Variants in MSTO1 observed in about 807,000 individuals in gnomAD.
The protein encoded by MSTO1 is misato mitochondrial distribution and morphology regulator 1.
In MSTO1, 24 loss-of-function variants were observed where a neutral mutation model predicts 55.7. That is an observed-to-expected ratio of 0.43 (90% CI 0.31 to 0.61). MSTO1 has a LOEUF of 0.61. Among genes scored for constraint, MSTO1 ranks in the 20% least tolerant of loss-of-function variants. The pLI, the probability that MSTO1 is intolerant of heterozygous loss-of-function variation, is 0.09. For synonymous variants in MSTO1, 162 were observed against 252.8 expected (o/e 0.64, Z 3.41); for missense variants, 363 against 625.7 (o/e 0.58, Z 4.48).
chr1:155,583,582 G>C, the MSTO1 span, among the ~76,000 whole-genome samples: 1 of 152,088 alleles, frequency 6.6e-6, no homozygotes, highest in Non-Finnish European at 1.5e-5. Flanking sequence ...TTTAAGCAAG[G>C]CTTCAGTGGA....
At chr1:155,576,927 A>C in the MSTO1 span, among the ~76,000 whole-genome samples, 2 of 140,564 alleles carry the variant, frequency 1.4e-5, no homozygotes, top group South Asian at 5.2e-4. Context: ...AGGCAGGAGA[A>C]TGGCTTGAAC....
the MSTO1 span, among the ~76,000 whole-genome samples, chr1:155,581,020 G>T: frequency 2.0e-5 from 3 of 151,884 alleles, no homozygotes; most frequent in Non-Finnish European, 4.4e-5. Flanking sequence ...AAGAATCTGT[G>T]GTTTCTTACA....
the MSTO1 span, among the ~76,000 whole-genome samples, chr1:155,574,417 G>T: frequency 3.9e-5 from 6 of 152,136 alleles, no homozygotes; most frequent in South Asian, 6.2e-4. Flanking sequence ...AAATAGTATT[G>T]TTCCAACTTT....
chr1:155,589,712 G>A, the MSTO1 span, among the ~76,000 whole-genome samples: 2 of 151,910 alleles, frequency 1.3e-5, no homozygotes, highest in East Asian at 3.9e-4. Context: ...GAAGCATCTA[G>A]CTCAGGAGAA....
At chr1:155,612,687 G>A (rs1674514042) in intron 9 of MSTO1, 117 bp downstream of exon 9, 1 of 1,414,414 alleles carries the variant, frequency 7.1e-7, no homozygotes, top group Non-Finnish European at 9.6e-7. Flanking sequence ...ACTCAGCTGT[G>A]ATGTGGCCTC....
At chr1:155,579,645 G>A in the MSTO1 span, among the ~76,000 whole-genome samples, 13 of 152,136 alleles carry the variant, frequency 8.5e-5, no homozygotes, top group Non-Finnish European at 1.5e-4. Context: ...GCATAATAAC[G>A]TGTACCTGAT....
In MSTO1 at chr1:155,614,829, A is replaced by G. The variant is rs1675255781; in HGVS notation, c.*556A>G. ...CATCCTCAGAGCTGGCTTCACAGGC[A>G]GTGTGGAAGAGCTGCATGAGTTCTC... On this transcript the variant is annotated 3_prime_UTR_variant, in exon 14 of 14. Transcript: ENST00000245564. 1 of 1,578,482 alleles carries G rather than the reference A, an allele frequency of 6.3e-7. No individual in the cohort carries two copies. Among genetic ancestry groups the G allele is most frequent in the Non-Finnish European group, 8.6e-7 (1 of 1,161,462 alleles).
chr1:155,601,344 C>A, the MSTO1 span, among the ~76,000 whole-genome samples: 1 of 151,354 alleles, frequency 6.6e-6, no homozygotes, highest in Non-Finnish European at 1.5e-5. Flanking sequence ...ACCATGTTGG[C>A]CAGGCTGATT....
the MSTO1 span, chr1:155,586,664 G>T: frequency 1.9e-6 from 1 of 517,462 alleles, no homozygotes. Flanking sequence ...CAAGGACAAT[G>T]CTGAAAGGAA....
At chr1:155,587,629 A>C in the MSTO1 span, among the ~76,000 whole-genome samples, 1 of 151,476 alleles carries the variant, frequency 6.6e-6, no homozygotes, top group Non-Finnish European at 1.5e-5. Context: ...CTATAGTCCC[A>C]GCTACTTGGG....
At chr1:155,588,673 T>C in the MSTO1 span, among the ~76,000 whole-genome samples, 2 of 152,240 alleles carry the variant, frequency 1.3e-5, no homozygotes, top group Non-Finnish European at 2.9e-5. Context: ...TACAGTCCAG[T>C]AGAATCATGA....
At chr1:155,590,048 TG>T in the MSTO1 span, among the ~76,000 whole-genome samples, 992 of 72,676 alleles carry the variant, frequency 0.014, 12 homozygotes, top group African/African-American at 0.05. Context: ...GTGTTGGAGG[TG>T]GGGGCGGGGG....
upstream of MSTO1, chr1:155,610,017 G>C (rs367992875): frequency 3.6e-6 from 2 of 554,020 alleles, no homozygotes; most frequent in African/African-American, 3.9e-5. Flanking sequence ...CAGGAGCAAC[G>C]GCGTGGCCCG....
At chr1:155,590,851 C>A in the MSTO1 span, 1 of 1,610,124 alleles carries the variant, frequency 6.2e-7, no homozygotes, top group Non-Finnish European at 8.5e-7. Flanking sequence ...ATGCGCCGTC[C>A]AGCAAACGGG....
In MSTO1 at chr1:155,612,884, C is replaced by A. The variant is rs764568408; in HGVS notation, c.1007C>A (p.Ala336Asp). The A allele has an allele frequency of 5.0e-6, 8 of 1,613,828 alleles. No individual in the cohort carries two copies. Among genetic ancestry groups the A allele is most frequent in the Non-Finnish European group, 6.8e-6 (8 of 1,179,840 alleles). The change falls in exon 10 of 14, where the codon GCC becomes GAC. Residue 336 changes from alanine to aspartate, a missense_variant. This residue lies in a region of MSTO1 where 231 missense variants were observed against 286.9 expected (regional missense o/e 0.81). Coordinates refer to ENST00000245564, the MANE Select transcript of MSTO1 (RefSeq NM_018116.4). ...CACTGCAGTGCCATCCTGGCTACAG[C>A]CCTGGACACAGTCACTGTTCCTTAT... ...PFHCSAILAT[A>D]LDTVTVPYRL...
chr1:155,572,496 G>T, the MSTO1 span, among the ~76,000 whole-genome samples: 1 of 151,944 alleles, frequency 6.6e-6, no homozygotes, highest in Non-Finnish European at 1.5e-5. Flanking sequence ...GGTGGATCAC[G>T]AAGTCAGGAG....
the MSTO1 span, among the ~76,000 whole-genome samples, chr1:155,603,664 C>A: frequency 6.6e-6 from 1 of 151,994 alleles, no homozygotes; most frequent in Non-Finnish European, 1.5e-5. Context: ...TCAAGACCAG[C>A]CTGGACAACA....
the MSTO1 span, among the ~76,000 whole-genome samples, chr1:155,589,753 C>T: frequency 6.6e-6 from 1 of 151,740 alleles, no homozygotes; most frequent in African/African-American, 2.4e-5. Context: ...AGCAAGTCGG[C>T]TCATCCTACC....
chr1:155,566,268 C>T, the MSTO1 span: 1 of 152,196 alleles, frequency 6.6e-6, no homozygotes, highest in Non-Finnish European at 1.5e-5. Flanking sequence ...GTTTGACATC[C>T]AGGAGTTTCT....
Sources: gnomAD v4.1 joint callset for allele counts (sites outside exome capture counted in the v4.1 genomes callset) on GRCh38, gnomAD v4.1.1 for gene constraint, gnomAD v4.1.1 regional missense constraint, MANE v1.5 for transcripts, NCBI Gene and HGNC (gene_info 2026-07-23, HGNC 2026-07-21) for gene names.